INPP5A: variants seen among roughly 807,000 people sequenced by gnomAD.
INPP5A encodes inositol polyphosphate-5-phosphatase A, also known as 43 kDa inositol polyphosphate 5-phophatase.
INPP5A carries 14 observed loss-of-function variants against 65.2 expected under a neutral mutation model. The ratio of observed to expected loss-of-function variants is 0.21; its 90% CI spans 0.14 to 0.34. The LOEUF is 0.34. Ranked by LOEUF, INPP5A falls within the 10% of genes least tolerant of loss-of-function variation. INPP5A has a pLI of 1.00. For missense variants in INPP5A, 431 were observed against 545.6 expected (o/e 0.79, Z 2.09); for synonymous variants, 207 against 208.3 (o/e 0.99, Z 0.05).
intron 6 of INPP5A, among the ~76,000 whole-genome samples, chr10:132,703,748 C>T (rs192676158): frequency 4.9e-4 from 43 of 87,534 alleles, no homozygotes; most frequent in African/African-American, 2.1e-3. Flanking sequence ...CACACATACA[C>T]GTACGGCTTC....
rs1277409473 is a variant in INPP5A, at chr10:132,743,373, C to T, written c.733-6144C>T. 6.1e-5 allele frequency among the ~76,000 whole-genome samples: 8 copies of T among 131,590 alleles called. 1 individual carries two copies. Among genetic ancestry groups the T allele is most frequent in the Non-Finnish European group, 1.1e-4 (7 of 62,320 alleles). 86.3% of individuals were successfully genotyped at this position (131,590 alleles called of 152,430 possible). ...GAGTGAGGGCGAGCCCACCCACCAG[C>T]GCTGCACTCAGCCCCAGCAGGGACC... is the stretch of plus-strand genomic sequence containing the variant. On this transcript the variant is annotated intron_variant, in intron 9 of 15. Transcript: ENST00000368594.
At chr10:132,751,569 G>GTGGGGAGCAGGGAGAGCC (rs1438711547) in intron 11 of INPP5A, among the ~76,000 whole-genome samples, 1 of 152,244 alleles carries the variant, frequency 6.6e-6, no homozygotes, top group African/African-American at 2.4e-5. Flanking sequence ...GGCCTCGTCA[G>GTGGGGAGCAGGGAGAGCC]TGGGGAGCAG....
At chr10:132,581,006 C>T (rs1241169623) in intron 1 of INPP5A, among the ~76,000 whole-genome samples, 2 of 152,312 alleles carry the variant, frequency 1.3e-5, no homozygotes, top group East Asian at 3.9e-4. Context: ...CAAAGCTTGA[C>T]CATCACCCAA....
intron 5 of INPP5A, among the ~76,000 whole-genome samples, chr10:132,693,193 A>G (rs1389685410): frequency 6.6e-6 from 1 of 152,240 alleles, no homozygotes; most frequent in Non-Finnish European, 1.5e-5. Context: ...GAGGAGAGAT[A>G]ATGGAATCAT....
chr10:132,650,841 G>A lies in INPP5A; in HGVS notation c.306+336G>A, dbSNP rs1023957178. On this transcript the variant is annotated intron_variant, in intron 4 of 15. Coordinates refer to ENST00000368594, the MANE Select transcript of INPP5A (RefSeq NM_005539.5). The surrounding 1 kb of genome is among the most constrained non-coding windows in gnomAD (Gnocchi z 5.5). ...CGGGGCTCCAGGCGTGTAGATGAGA[G>A]GTTGGACAGCAGCCGGTATTGCTTC... Among the ~76,000 whole-genome samples the A allele has an allele frequency of 6.6e-6, 1 of 152,162 alleles. No individual in the cohort carries two copies. The highest frequency in any genetic ancestry group is 1.5e-5 in the Non-Finnish European group (1 of 68,008).
At chr10:132,680,128 T>C (rs1465256568) in intron 4 of INPP5A, among the ~76,000 whole-genome samples, 1 of 152,148 alleles carries the variant, frequency 6.6e-6, no homozygotes, top group Non-Finnish European at 1.5e-5. Flanking sequence ...ACAACCACTT[T>C]GTACAGCCAA....
chr10:132,707,252 C>A lies in INPP5A; in HGVS notation c.475-1061C>A, dbSNP rs550346408. On this transcript the variant is annotated intron_variant, in intron 6 of 15. Coordinates refer to ENST00000368594, the MANE Select transcript of INPP5A (RefSeq NM_005539.5). The surrounding 1 kb of genome is among the most constrained non-coding windows in gnomAD (Gnocchi z 5.5). ...AGCACCAAGAACAGCAGCCCCTGTCCACCTCCGCCCCCGATGGCGCCAGGC... is the reference window on the plus strand; with the variant it reads ...AGCACCAAGAACAGCAGCCCCTGTCAACCTCCGCCCCCGATGGCGCCAGGC... Among the ~76,000 whole-genome samples the A allele has an allele frequency of 2.4e-4, 36 of 152,316 alleles. 1 individual carries two copies. The South Asian group carries it at 6.8e-3, about 29-fold the overall frequency.
chr10:132,777,704 G>C lies in INPP5A; in HGVS notation c.1011G>C (p.Glu337Asp). 6.2e-7 allele frequency: 1 copy of C among 1,613,008 alleles called. No individual in the cohort carries two copies. Among genetic ancestry groups the C allele is most frequent in the East Asian group, 2.2e-5 (1 of 44,888 alleles). Residue 337 changes from glutamate (E) to aspartate (D), a missense_variant, in exon 13 of 16, where the codon GAG (glutamate) becomes GAC (aspartate). Transcript: ENST00000368594. Reference sequence around the variant, plus strand: ...ACAGTGAGGACGCCCGCCAGGGTGAGCAGTACATGAACACCCGGTGCCCAG... The same window carrying C: ...ACAGTGAGGACGCCCGCCAGGGTGACCAGTACATGAACACCCGGTGCCCAG... ...YPYSEDARQGEQYMNTRCPAW... is the reference protein window; with the variant it reads ...YPYSEDARQGDQYMNTRCPAW...
Position 132,577,157 on chromosome 10 carries a change from C to G in INPP5A, c.76-30758C>G, listed in dbSNP as rs1487632199. The stretch of plus-strand genomic sequence containing the variant: ...GCAGAGGGACCCCCAGGCAGGGCCG[C>G]TGCACCTGGAGAGAAGCTGGAAGGC... On this transcript the variant is annotated intron_variant, in intron 1 of 15. Coordinates refer to ENST00000368594, the MANE Select transcript of INPP5A (RefSeq NM_005539.5). 2.0e-5 allele frequency among the ~76,000 whole-genome samples: 3 copies of G among 152,212 alleles called. No individual in the cohort carries two copies. The East Asian group carries it at 5.8e-4, about 29-fold the overall frequency.
chr10:132,769,973 G>A (rs1846920711), intron 12 of INPP5A, among the ~76,000 whole-genome samples: 1 of 152,234 alleles, frequency 6.6e-6, no homozygotes, highest in African/African-American at 2.4e-5. Context: ...TTAACTCTAA[G>A]ATAAAGAGAT....
chr10:132,776,818 C>T (rs1847071875), intron 12 of INPP5A, among the ~76,000 whole-genome samples: 2 of 151,644 alleles, frequency 1.3e-5, no homozygotes, highest in South Asian at 2.1e-4. Flanking sequence ...CCAGACTCGG[C>T]GGGTAGTGGG....
At chr10:132,581,983 G>A (rs1590845652) in intron 1 of INPP5A, among the ~76,000 whole-genome samples, 1 of 152,134 alleles carries the variant, frequency 6.6e-6, no homozygotes, top group South Asian at 2.1e-4. Flanking sequence ...GACTACAGGT[G>A]CCTGTCACCA....
At chr10:132,597,479 A>G (rs965068612) in intron 1 of INPP5A, among the ~76,000 whole-genome samples, 2 of 152,246 alleles carry the variant, frequency 1.3e-5, no homozygotes, top group South Asian at 2.1e-4. Flanking sequence ...TTTGAGTCAC[A>G]TATTAGGATA....
chr10:132,695,359 AAAG>A (rs1845329455), intron 5 of INPP5A, among the ~76,000 whole-genome samples: 1 of 152,238 alleles, frequency 6.6e-6, no homozygotes. Flanking sequence ...TCAACCTGAT[AAAG>A]AAGAGCTCCA....
intron 2 of INPP5A, among the ~76,000 whole-genome samples, chr10:132,614,582 A>AGAC (rs1279558667): frequency 1.3e-5 from 2 of 152,222 alleles, no homozygotes; most frequent in Non-Finnish European, 2.9e-5. Context: ...TCAGACTCAC[A>AGAC]GACTCATCAC....
intron 4 of INPP5A, among the ~76,000 whole-genome samples, chr10:132,654,308 G>T (rs961234907): frequency 6.6e-6 from 1 of 152,258 alleles, no homozygotes; most frequent in African/African-American, 2.4e-5. Context: ...GAGGCTTTAG[G>T]CCAGGTGGAT....
intron 2 of INPP5A, among the ~76,000 whole-genome samples, chr10:132,626,619 G>A (rs911378967): frequency 6.6e-6 from 1 of 152,238 alleles, no homozygotes; most frequent in African/African-American, 2.4e-5. Flanking sequence ...GAGATTTTGT[G>A]GGTGTGCACA....
At position 132,782,405 on chromosome 10, in the gene INPP5A, G is replaced by T; in HGVS notation, c.*376G>T. The T allele has an allele frequency of 3.4e-6, 1 of 298,130 alleles. No individual in the cohort carries two copies. Among genetic ancestry groups the T allele is most frequent in the Non-Finnish European group, 6.5e-6 (1 of 154,054 alleles). 18.5% of individuals were successfully genotyped at this position (298,130 alleles called of 1,614,324 possible). On this transcript the variant is annotated 3_prime_UTR_variant, in exon 16 of 16. Coordinates refer to ENST00000368594, the MANE Select transcript of INPP5A (RefSeq NM_005539.5). The surrounding 1 kb of genome is among the most constrained non-coding windows in gnomAD (Gnocchi z 4.4). Reference sequence around the variant, plus strand: ...CACAGAGACCCCCCACTGTGTCCAGGGACCCCCTCTGCCAGGTGGAGGTGT... The same window carrying T: ...CACAGAGACCCCCCACTGTGTCCAGTGACCCCCTCTGCCAGGTGGAGGTGT...
chr10:132,623,305 T>A (rs1326947021), intron 2 of INPP5A, among the ~76,000 whole-genome samples: 1 of 151,698 alleles, frequency 6.6e-6, no homozygotes, highest in Non-Finnish European at 1.5e-5. Context: ...GAAATACAGA[T>A]CAGTGGAACA....
Sources: gnomAD v4.1 joint callset for allele counts (sites outside exome capture counted in the v4.1 genomes callset) on GRCh38, gnomAD v4.1.1 for gene constraint, Gnocchi (gnomAD v3.1) non-coding constraint, MANE v1.5 for transcripts, NCBI Gene and HGNC (gene_info 2026-07-23, HGNC 2026-07-21) for gene names.